DLG2: variants seen among roughly 807,000 people sequenced by gnomAD.
The protein encoded by DLG2 is disks large homolog 2.
A neutral mutation model predicts 132.5 loss-of-function variants in DLG2; 45 were observed. The observed-to-expected ratio is 0.34, with a 90% confidence interval of 0.27 to 0.44. The LOEUF is 0.44. Ranked by LOEUF, DLG2 falls within the 20% of genes least tolerant of loss-of-function variation. The pLI is 1.00. For missense variants in DLG2, 1,045 were observed against 1,196.9 expected (o/e 0.87, Z 1.87); for synonymous variants, 424 against 419.6 (o/e 1.01, Z -0.13).
intron 18 of DLG2, among the ~76,000 whole-genome samples, chr11:83,742,066 C>A (rs533136529): frequency 2.6e-5 from 4 of 152,228 alleles, no homozygotes; most frequent in Non-Finnish European, 5.9e-5. Context: ...GCCTTTTTAT[C>A]TCTTTATCCC....
chr11:85,608,325 C>T (rs1422281049), intron 2 of DLG2, among the ~76,000 whole-genome samples: 1 of 152,044 alleles, frequency 6.6e-6, no homozygotes, highest in Non-Finnish European at 1.5e-5. Context: ...TTTTTTTCTG[C>T]ACTATGGTCT....
At chr11:83,761,295 TG>T (rs111533251) in intron 18 of DLG2, among the ~76,000 whole-genome samples, 23 of 152,362 alleles carry the variant, frequency 1.5e-4, no homozygotes, top group African/African-American at 4.8e-4. Context: ...TTAATAGTCC[TG>T]GAGTACCTCT....
At chr11:85,314,273 G>A (rs902131046) in intron 3 of DLG2, among the ~76,000 whole-genome samples, 2 of 151,610 alleles carry the variant, frequency 1.3e-5, no homozygotes, top group Non-Finnish European at 2.9e-5. Flanking sequence ...TGTCTAACAC[G>A]ATAGAAAAAT....
chr11:84,280,931 C>T (rs968853889), intron 7 of DLG2, among the ~76,000 whole-genome samples: 17 of 132,288 alleles, frequency 1.3e-4, no homozygotes, highest in Admixed American at 5.4e-4. Context: ...CTGTGTTAGC[C>T]AGGATGGTCT....
chr11:83,961,314 C>T (rs1307592746), intron 14 of DLG2, among the ~76,000 whole-genome samples: 1 of 151,974 alleles, frequency 6.6e-6, no homozygotes, highest in African/African-American at 2.4e-5. Flanking sequence ...GTTTTTAGAG[C>T]TCATCAAAAC....
chr11:83,479,218 A>G (rs1337188141), intron 22 of DLG2, among the ~76,000 whole-genome samples: 1 of 151,852 alleles, frequency 6.6e-6, no homozygotes, highest in Non-Finnish European at 1.5e-5. Flanking sequence ...CTCTGAGCCT[A>G]CCTCCATCTG....
chr11:85,536,167 G>T (rs998166665), intron 3 of DLG2, among the ~76,000 whole-genome samples: 2 of 120,662 alleles, frequency 1.7e-5, no homozygotes, highest in African/African-American at 6.5e-5. Flanking sequence ...AGTGAGCCGA[G>T]ATCACACCAT....
At chr11:85,430,362 G>C (rs2091088971) in intron 3 of DLG2, among the ~76,000 whole-genome samples, 1 of 151,040 alleles carries the variant, frequency 6.6e-6, no homozygotes, top group South Asian at 2.1e-4. Flanking sequence ...TAAAAAAAAA[G>C]AAAAAGAAAG....
At chr11:84,799,622 G>A (rs907325476) in intron 6 of DLG2, among the ~76,000 whole-genome samples, 1 of 152,110 alleles carries the variant, frequency 6.6e-6, no homozygotes, top group Non-Finnish European at 1.5e-5. Flanking sequence ...GGCTTTATTT[G>A]TAATCCTCTA....
intron 16 of DLG2, among the ~76,000 whole-genome samples, chr11:83,849,497 C>G (rs11233763): frequency 0.082 from 12,449 of 151,394 alleles, 1,604 homozygotes; most frequent in African/African-American, 0.27. Flanking sequence ...AATATAGAGA[C>G]ATAGATATTT....
At chr11:83,815,987 C>T (rs1358631054) in intron 17 of DLG2, among the ~76,000 whole-genome samples, 1 of 152,148 alleles carries the variant, frequency 6.6e-6, no homozygotes. Context: ...GCTCCTGAGC[C>T]TATAGCTTAA....
At chr11:83,981,808 T>C (rs915286510) in intron 11 of DLG2, among the ~76,000 whole-genome samples, 2 of 152,242 alleles carry the variant, frequency 1.3e-5, no homozygotes, top group African/African-American at 4.8e-5. Flanking sequence ...ATTTTAAACA[T>C]GGCGATTGTC....
rs1394380210 is a variant in DLG2, at chr11:85,583,152, A to G, written c.40+15505T>C. On this transcript the variant is annotated intron_variant, in intron 3 of 27. Transcript: ENST00000376104. ...TGTGTATATATATATATATATATAT[A>G]TATATATATATATATATGTTTTGTT... Among the ~76,000 whole-genome samples, 153 of 116,520 alleles carry G rather than the reference A, an allele frequency of 1.3e-3. 2 individuals are homozygous for G. The highest frequency in any genetic ancestry group is 3.8e-3 in the African/African-American group (118 of 30,718). 76.4% of individuals were successfully genotyped at this position (116,520 alleles called of 152,430 possible).
At chr11:83,913,703 T>C (rs755117144) in intron 15 of DLG2, among the ~76,000 whole-genome samples, 1 of 152,082 alleles carries the variant, frequency 6.6e-6, no homozygotes, top group Non-Finnish European at 1.5e-5. Context: ...AGGTGAATGG[T>C]ACATGTGCCC....
At chr11:83,880,042 T>G (rs1018996992) in intron 15 of DLG2, among the ~76,000 whole-genome samples, 1 of 152,168 alleles carries the variant, frequency 6.6e-6, no homozygotes, top group Non-Finnish European at 1.5e-5. Context: ...AAATATGTGG[T>G]GTGCTCTGGA....
At chr11:84,479,030 C>T (rs958371113) in intron 7 of DLG2, among the ~76,000 whole-genome samples, 1 of 151,964 alleles carries the variant, frequency 6.6e-6, no homozygotes, top group Admixed American at 6.6e-5. Flanking sequence ...AAATAAGAAC[C>T]ATGGTACATA....
chr11:84,925,169 A>T (rs1256281558), intron 6 of DLG2, among the ~76,000 whole-genome samples: 1 of 152,078 alleles, frequency 6.6e-6, no homozygotes, highest in East Asian at 1.9e-4. Flanking sequence ...TATTTTATTA[A>T]TATTATTTTA....
chr11:84,048,108 T>C (rs185754415), intron 11 of DLG2, among the ~76,000 whole-genome samples: 1 of 151,498 alleles, frequency 6.6e-6, no homozygotes, highest in Non-Finnish European at 1.5e-5. Flanking sequence ...GAAAAGTACC[T>C]GGGAACAAGG....
intron 5 of DLG2, among the ~76,000 whole-genome samples, chr11:85,127,150 T>C (rs1322965528): frequency 6.6e-6 from 1 of 152,114 alleles, no homozygotes; most frequent in Non-Finnish European, 1.5e-5. Context: ...CTGCATCCTC[T>C]ATATCTTGTT....
Sources: gnomAD v4.1 joint callset for allele counts (sites outside exome capture counted in the v4.1 genomes callset) on GRCh38, gnomAD v4.1.1 for gene constraint, MANE v1.5 for transcripts, NCBI Gene and HGNC (gene_info 2026-07-23, HGNC 2026-07-21) for gene names.